The following NDFIP1 variants were observed in gnomAD, a reference collection of about 807,000 sequenced individuals.
The protein encoded by NDFIP1 is Nedd4 family interacting protein 1.
NDFIP1 carries 7 observed loss-of-function variants against 28.8 expected under a neutral mutation model. The observed-to-expected ratio is 0.24, with a 90% CI of 0.14 to 0.46. NDFIP1 has a LOEUF of 0.46. NDFIP1 is among the 20% of genes least tolerant of loss of function. NDFIP1 has a pLI of 0.99. For missense variants in NDFIP1, 194 were observed against 269.1 expected (o/e 0.72, Z 1.95); for synonymous variants, 92 against 101.0 (o/e 0.91, Z 0.53).
intron 1 of NDFIP1, among the ~76,000 whole-genome samples, chr5:142,123,483 A>C (rs140083890): frequency 6.6e-6 from 1 of 152,118 alleles, no homozygotes; most frequent in East Asian, 1.9e-4. Context: ...GTCTTTTGTG[A>C]CTTTTTTTTC....
intron 6 of NDFIP1, among the ~76,000 whole-genome samples, chr5:142,141,970 C>T (rs1299640824): frequency 1.3e-5 from 2 of 152,142 alleles, no homozygotes; most frequent in East Asian, 1.9e-4. Flanking sequence ...CTCGTCTCTA[C>T]AAAAAAATTT....
rs755531232 is a variant in NDFIP1, at chr5:142,153,214, C to A, written c.*1486C>A. On this transcript the variant is annotated 3_prime_UTR_variant, in exon 8 of 8. Coordinates refer to ENST00000253814, the MANE Select transcript of NDFIP1 (RefSeq NM_030571.4). ...TTTCTCCTGATTTCTATTCTTGTCT[C>A]AATCTTAAATTTAGAGACCAGTTGT... The A allele has an allele frequency of 2.2e-6, 1 of 449,634 alleles. No homozygotes were observed. Among genetic ancestry groups the A allele is most frequent in the South Asian group, 1.6e-5 (1 of 63,356 alleles). 27.9% of individuals were successfully genotyped at this position (449,634 alleles called of 1,614,324 possible).
chr5:142,139,053 T>TA (rs1032310521), intron 5 of NDFIP1, among the ~76,000 whole-genome samples: 8 of 151,406 alleles, frequency 5.3e-5, no homozygotes, highest in Non-Finnish European at 1.0e-4. Context: ...CCGTCTCTAC[T>TA]AAAAAAATAC....
intron 2 of NDFIP1, 130 bp from the exon 3 acceptor site, chr5:142,132,082 G>A (rs1431712107): frequency 1.7e-6 from 2 of 1,157,554 alleles, no homozygotes; most frequent in Non-Finnish European, 2.4e-6. Context: ...ATCTAAGAAT[G>A]TCTTTTGGTT....
chr5:142,130,777 C>T (rs887509812), intron 1 of NDFIP1, among the ~76,000 whole-genome samples: 2 of 151,992 alleles, frequency 1.3e-5, no homozygotes, highest in South Asian at 4.2e-4. Flanking sequence ...AGGAAAAATT[C>T]CCCTGTACTC....
chr5:142,146,292 A>T (rs1757388019), intron 7 of NDFIP1, among the ~76,000 whole-genome samples: 1 of 152,254 alleles, frequency 6.6e-6, no homozygotes, highest in African/African-American at 2.4e-5. Flanking sequence ...ATTCAGTCAC[A>T]CAGTCTGGAC....
chr5:142,118,296 T>A (rs1209474554), intron 1 of NDFIP1, among the ~76,000 whole-genome samples: 1 of 152,242 alleles, frequency 6.6e-6, no homozygotes, highest in East Asian at 1.9e-4. Context: ...TTAGTCGTCC[T>A]GTCTCCTTAG....
chr5:142,138,146 T>C (rs574914143), intron 5 of NDFIP1: 23 of 203,964 alleles, frequency 1.1e-4, no homozygotes, highest in Non-Finnish European at 1.9e-4. Flanking sequence ...GTTCTGAAAT[T>C]AGTTGTTTTT....
chr5:142,132,540 G>A (rs899026625), intron 3 of NDFIP1, among the ~76,000 whole-genome samples, 198 bp downstream of exon 3: 2 of 152,174 alleles, frequency 1.3e-5, no homozygotes, highest in Non-Finnish European at 2.9e-5. Context: ...AGTCAGACCT[G>A]CTCATTTTTC....
intron 1 of NDFIP1, among the ~76,000 whole-genome samples, chr5:142,123,988 A>G (rs1596785540): frequency 1.3e-5 from 2 of 152,338 alleles, no homozygotes; most frequent in African/African-American, 2.4e-5. Flanking sequence ...ATGAGCAGCT[A>G]GACTTGCTAT....
intron 7 of NDFIP1, among the ~76,000 whole-genome samples, chr5:142,148,780 A>G (rs1163448206): frequency 2.9e-5 from 4 of 137,984 alleles, no homozygotes; most frequent in Non-Finnish European, 6.3e-5. Context: ...AAAAAAAAGT[A>G]TGTGACTGAG....
chr5:142,135,078 A>G (rs1318203495), intron 3 of NDFIP1, among the ~76,000 whole-genome samples: 2 of 151,862 alleles, frequency 1.3e-5, no homozygotes, highest in Non-Finnish European at 2.9e-5. Context: ...TCCCGGGTTC[A>G]TGCCATTCTC....
At chr5:142,134,917 T>C (rs1757258916) in intron 3 of NDFIP1, among the ~76,000 whole-genome samples, 1 of 152,156 alleles carries the variant, frequency 6.6e-6, no homozygotes. Flanking sequence ...GGACTATTCA[T>C]GTATGATCGT....
At chr5:142,150,904 C>T (rs1341024011) in intron 7 of NDFIP1, among the ~76,000 whole-genome samples, 1 of 152,084 alleles carries the variant, frequency 6.6e-6, no homozygotes, top group Non-Finnish European at 1.5e-5. Flanking sequence ...GTAAATGTAT[C>T]TCTTTAGTGT....
At chr5:142,123,884 C>T (rs753742594) in intron 1 of NDFIP1, among the ~76,000 whole-genome samples, 24 of 152,174 alleles carry the variant, frequency 1.6e-4, no homozygotes, top group Non-Finnish European at 3.1e-4. Flanking sequence ...CTTATGGAAC[C>T]AAGAAGTGGA....
chr5:142,124,125 C>T (rs1361558381), intron 1 of NDFIP1, among the ~76,000 whole-genome samples: 2 of 151,832 alleles, frequency 1.3e-5, no homozygotes, highest in African/African-American at 4.8e-5. Flanking sequence ...AAGCTGGGTG[C>T]CAGAAAACAG....
At chr5:142,144,448 C>A in intron 6 of NDFIP1, 123 bp from the exon 7 acceptor site, 1 of 705,404 alleles carries the variant, frequency 1.4e-6, no homozygotes, top group Non-Finnish European at 2.4e-6. Flanking sequence ...GAGGAAATTG[C>A]TAATGTTTTG....
Position 142,136,107 on chromosome 5 carries a change from C to T in NDFIP1, c.370+290C>T, listed in dbSNP as rs1360480041. On this transcript the variant is annotated intron_variant, in intron 4 of 7. Coordinates refer to ENST00000253814, the MANE Select transcript of NDFIP1 (RefSeq NM_030571.4). ...CTTCCAGGTCTACGGGGCCCTTTTG[C>T]GTTGCTTCTACTCATACTTAATCTG... Among the ~76,000 whole-genome samples the T allele has an allele frequency of 5.9e-5, 9 of 152,104 alleles. No individual in the cohort carries two copies. In the East Asian group the frequency reaches 7.7e-4, roughly 13 times the overall value.
intron 1 of NDFIP1, among the ~76,000 whole-genome samples, chr5:142,120,470 C>T (rs1053642341): frequency 6.6e-6 from 1 of 152,216 alleles, no homozygotes; most frequent in African/African-American, 2.4e-5. Context: ...TACCACTTGT[C>T]ATCCTGCTTC....
Sources: gnomAD v4.1 joint callset for allele counts (sites outside exome capture counted in the v4.1 genomes callset) on GRCh38, gnomAD v4.1.1 for gene constraint, MANE v1.5 for transcripts, NCBI Gene and HGNC (gene_info 2026-07-23, HGNC 2026-07-21) for gene names.